The following EIF2B3 variants were observed in gnomAD, a reference collection of about 807,000 sequenced individuals.
EIF2B3 encodes the protein eukaryotic translation initiation factor 2B subunit gamma.
Under a neutral mutation model 54.1 loss-of-function variants are expected in EIF2B3, and 20 were observed. That is an observed-to-expected ratio of 0.37 (90% CI 0.26 to 0.54). The LOEUF (loss-of-function observed/expected upper bound fraction) is 0.54. Ranked by LOEUF, EIF2B3 falls within the 20% of genes least tolerant of loss-of-function variation. EIF2B3 has a pLI of 0.86. For synonymous variants in EIF2B3, 153 were observed against 188.1 expected (o/e 0.81, Z 1.52); for missense variants, 448 against 547.8 (o/e 0.82, Z 1.82).
Position 44,852,114 on chromosome 1 carries a change from A to AT in EIF2B3, c.1307-1112_1307-1111insA, listed in dbSNP as rs765224340. 0.028 allele frequency among the ~76,000 whole-genome samples: 4,056 copies of AT among 146,218 alleles called. 536 individuals are homozygous for AT. In the East Asian group the frequency reaches 0.43, roughly 16 times the overall value. ...CAGGCATATGACGCCACACATGGCT[A>AT]ATTTTTTTTTTTTTTTTTTTTGTAT... is the stretch of plus-strand genomic sequence containing the variant. On this transcript the variant is annotated intron_variant, in intron 11 of 11. Transcript: ENST00000360403.
At chr1:44,982,173 A>T (rs986288336) in intron 1 of EIF2B3, among the ~76,000 whole-genome samples, 4 of 152,206 alleles carry the variant, frequency 2.6e-5, no homozygotes, top group African/African-American at 9.6e-5. Context: ...AATTATAAAA[A>T]CAAACCAAAC....
At chr1:44,907,106 C>T (rs868197952) in intron 5 of EIF2B3, among the ~76,000 whole-genome samples, 4 of 152,186 alleles carry the variant, frequency 2.6e-5, no homozygotes, top group Non-Finnish European at 5.9e-5. Flanking sequence ...CTGTCAATAC[C>T]CTAGTTCAAA....
At chr1:44,880,747 G>C (rs542870576) in intron 7 of EIF2B3, among the ~76,000 whole-genome samples, 1 of 152,148 alleles carries the variant, frequency 6.6e-6, no homozygotes, top group Non-Finnish European at 1.5e-5. Flanking sequence ...TGGATCATGA[G>C]GTCAGGAGAT....
Position 44,941,555 on chromosome 1 carries a change from G to T in EIF2B3, c.405C>A (p.Gly135=), listed in dbSNP as rs1362711848. 6.2e-7 allele frequency: 1 copy of T among 1,613,300 alleles called. No homozygotes were observed. The highest frequency in any genetic ancestry group is 2.2e-5 in the East Asian group (1 of 44,842). Residue 135 remains glycine, a synonymous_variant, in exon 4 of 12, where the codon GGC becomes GGA. Coordinates refer to ENST00000360403, the MANE Select transcript of EIF2B3 (RefSeq NM_020365.5). ...CGGGAACAGGTTCTATGCTATCTTG[G>T]CCTTTTCTCATCAACATAGCAAGTG... ...DASLAMLMRK[G]QDSIEPVPGQ...
At chr1:44,897,236 T>C (rs750212574) in intron 6 of EIF2B3, 119 bp downstream of exon 6, 382 of 722,688 alleles carry the variant, frequency 5.3e-4, no homozygotes, top group Non-Finnish European at 8.6e-4. Flanking sequence ...GAGAACTAAC[T>C]GTGCTATTGT....
chr1:44,957,238 C>A (rs1644235077), intron 3 of EIF2B3, among the ~76,000 whole-genome samples: 2 of 129,690 alleles, frequency 1.5e-5, no homozygotes, highest in Non-Finnish European at 3.4e-5. Context: ...GGCACTCTAG[C>A]CTAGGCGACA....
rs987270886 is a variant in EIF2B3 at position 44,952,753 on chromosome 1, T to C, written c.295-11088A>G. ...ATTTTTAGTAGAGACGGGGTTTCAC[T>C]GTGTTAGCCAGGATGGTCTCGATCT... On this transcript the variant is annotated intron_variant, in intron 3 of 11. Coordinates refer to ENST00000360403, the MANE Select transcript of EIF2B3 (RefSeq NM_020365.5). 6.0e-5 allele frequency among the ~76,000 whole-genome samples: 9 copies of C among 150,954 alleles called. 1 individual carries two copies. Among genetic ancestry groups the C allele is most frequent in the Admixed American group, 2.6e-4 (4 of 15,172 alleles).
intron 2 of EIF2B3, among the ~76,000 whole-genome samples, 194 bp downstream of exon 2, chr1:44,980,827 A>C (rs563672437): frequency 6.6e-6 from 1 of 152,244 alleles, no homozygotes; most frequent in African/African-American, 2.4e-5. Context: ...CATCAGCTCC[A>C]TAACAACAAC....
At chr1:44,952,754 G>C (rs566285708) in intron 3 of EIF2B3, among the ~76,000 whole-genome samples, 1 of 151,494 alleles carries the variant, frequency 6.6e-6, no homozygotes, top group Admixed American at 6.6e-5. Flanking sequence ...GGGTTTCACT[G>C]TGTTAGCCAG....
rs561664264 is a variant in EIF2B3 at position 44,883,715 on chromosome 1, A to T, written c.657-1976T>A. On this transcript the variant is annotated intron_variant, in intron 6 of 11. Coordinates refer to ENST00000360403, the MANE Select transcript of EIF2B3 (RefSeq NM_020365.5). ...TCTGGTTTCCCGTTTAGCTGCCTCT[A>T]TGTGTATTAAACTCTTTATTGCAAT... Among the ~76,000 whole-genome samples, 41 of 152,260 alleles carry T rather than the reference A, an allele frequency of 2.7e-4. No homozygotes were observed. In the East Asian group the frequency reaches 6.9e-3, roughly 26 times the overall value.
intron 3 of EIF2B3, among the ~76,000 whole-genome samples, chr1:44,962,180 G>A (rs555108463): frequency 1.4e-5 from 2 of 147,854 alleles, no homozygotes; most frequent in Admixed American, 1.4e-4. Flanking sequence ...TGACAAGAGC[G>A]AAACTCCGTC....
chr1:44,960,851 G>A (rs1644277840), intron 3 of EIF2B3, among the ~76,000 whole-genome samples: 1 of 152,090 alleles, frequency 6.6e-6, no homozygotes, highest in African/African-American at 2.4e-5. Context: ...AGATACCAAA[G>A]GACGACTGTA....
chr1:44,977,625 C>T (rs1644465786), intron 3 of EIF2B3, among the ~76,000 whole-genome samples: 1 of 152,082 alleles, frequency 6.6e-6, no homozygotes, highest in Non-Finnish European at 1.5e-5. Context: ...CCGCCATGCC[C>T]AGCTAATTTT....
intron 3 of EIF2B3, among the ~76,000 whole-genome samples, chr1:44,977,038 A>G (rs1455547022): frequency 6.6e-6 from 1 of 152,256 alleles, no homozygotes; most frequent in Non-Finnish European, 1.5e-5. Context: ...AGCCATGTAC[A>G]TATTTGCATT....
At chr1:44,966,035 C>T (rs1288178447) in intron 3 of EIF2B3, among the ~76,000 whole-genome samples, 1 of 152,144 alleles carries the variant, frequency 6.6e-6, no homozygotes, top group African/African-American at 2.4e-5. Flanking sequence ...ATCACTAACT[C>T]TTCCATTAAA....
At chr1:44,978,242 T>A in intron 3 of EIF2B3, 73 bp downstream of exon 3, 1 of 1,572,366 alleles carries the variant, frequency 6.4e-7, no homozygotes, top group Non-Finnish European at 8.7e-7. Context: ...AAAAAAAGAC[T>A]ATAATGCACT....
intron 3 of EIF2B3, among the ~76,000 whole-genome samples, chr1:44,946,874 G>A (rs951603270): frequency 2.0e-4 from 30 of 152,148 alleles, no homozygotes; most frequent in African/African-American, 7.2e-4. Flanking sequence ...GGAGCCCAGA[G>A]AGAGAAAGTA....
intron 10 of EIF2B3, among the ~76,000 whole-genome samples, chr1:44,860,335 C>T (rs1044853473): frequency 2.6e-5 from 4 of 152,218 alleles, no homozygotes; most frequent in Non-Finnish European, 5.9e-5. Flanking sequence ...GTAATTTCAT[C>T]TGAAAATCAC....
intron 3 of EIF2B3, among the ~76,000 whole-genome samples, chr1:44,951,953 A>ATTTTTT (rs1557701522): frequency 3.5e-5 from 2 of 57,522 alleles, no homozygotes; most frequent in South Asian, 6.3e-4. Context: ...ATGCCTGGCT[A>ATTTTTT]ATTTTTTTTT....
Sources: gnomAD v4.1 joint callset for allele counts (sites outside exome capture counted in the v4.1 genomes callset) on GRCh38, gnomAD v4.1.1 for gene constraint, MANE v1.5 for transcripts, NCBI Gene and HGNC (gene_info 2026-07-23, HGNC 2026-07-21) for gene names.